Variants in TSPAN18 observed in about 807,000 individuals in gnomAD.
TSPAN18 encodes the protein tetraspanin 18, also known as tetraspanin-18.
TSPAN18 carries 14 observed loss-of-function variants against 27.3 expected under a neutral mutation model. That is an observed-to-expected ratio of 0.51 (90% confidence interval 0.34 to 0.80). The LOEUF (loss-of-function observed/expected upper bound fraction) is 0.80. Among genes scored for constraint, TSPAN18 ranks in the 30% least tolerant of loss-of-function variants. The pLI is 0.01. For missense variants in TSPAN18, 268 were observed against 323.9 expected (o/e 0.83, Z 1.32); for synonymous variants, 143 against 136.5 (o/e 1.05, Z -0.33).
chr11:44,736,711 G>A (rs536631285), intron 1 of TSPAN18: 1 of 152,382 alleles, frequency 6.6e-6, no homozygotes, highest in Admixed American at 6.5e-5. Flanking sequence ...GGAAGCAGGG[G>A]AGGCAACCTG....
chr11:44,877,819 CTT>C lies in TSPAN18; in HGVS notation c.-11+17352_-11+17353del, dbSNP rs1858378527. Among the ~76,000 whole-genome samples, 6 of 151,870 alleles carry C rather than the reference CTT, an allele frequency of 4.0e-5. No homozygotes were observed. The South Asian group carries it at 1.2e-3, about 32-fold the overall frequency. On this transcript the variant is annotated intron_variant, in intron 3 of 9. Coordinates refer to ENST00000520358, the MANE Select transcript of TSPAN18 (RefSeq NM_130783.5). ...AAGCTAGTCGTGGGAAAATAGATGT[CTT>C]TGTTTGCATTCTTAAGAGGAGACCA...
chr11:44,866,677 C>T (rs1282335242), intron 3 of TSPAN18, among the ~76,000 whole-genome samples: 1 of 152,200 alleles, frequency 6.6e-6, no homozygotes, highest in African/African-American at 2.4e-5. Context: ...TTGGATCCTA[C>T]CAATCTGGCT....
chr11:44,812,202 A>G (rs755034103), intron 2 of TSPAN18, among the ~76,000 whole-genome samples: 1 of 152,182 alleles, frequency 6.6e-6, no homozygotes, highest in African/African-American at 2.4e-5. Context: ...CTGGGTTCCA[A>G]ACCCAGCCTG....
At chr11:44,826,161 G>A (rs991617688) in intron 2 of TSPAN18, among the ~76,000 whole-genome samples, 5 of 152,340 alleles carry the variant, frequency 3.3e-5, no homozygotes, top group East Asian at 1.9e-4. Context: ...GGTGGCTTAC[G>A]CCTGTAATCC....
intron 3 of TSPAN18, among the ~76,000 whole-genome samples, chr11:44,893,802 C>T (rs993419246): frequency 6.6e-6 from 1 of 152,170 alleles, no homozygotes. Context: ...CATTGCCTTG[C>T]GTTAATATCA....
At chr11:44,812,517 C>T (rs547264043) in intron 2 of TSPAN18, among the ~76,000 whole-genome samples, 3 of 152,162 alleles carry the variant, frequency 2.0e-5, no homozygotes, top group Non-Finnish European at 4.4e-5. Context: ...AACAGACTCA[C>T]AGAGGGGGCA....
intron 3 of TSPAN18, among the ~76,000 whole-genome samples, chr11:44,899,998 A>G (rs1859198581): frequency 2.6e-5 from 4 of 152,104 alleles, no homozygotes; most frequent in Non-Finnish European, 4.4e-5. Flanking sequence ...CATAGTCTCA[A>G]TTTTCTTCTC....
intron 1 of TSPAN18, among the ~76,000 whole-genome samples, chr11:44,731,703 G>C (rs759321421): frequency 2.8e-4 from 42 of 148,248 alleles, no homozygotes; most frequent in Admixed American, 1.1e-3. Flanking sequence ...TTGCTTTTTT[G>C]GTTCTTTTCT....
intron 3 of TSPAN18, among the ~76,000 whole-genome samples, chr11:44,862,015 C>A (rs1207214847): frequency 6.6e-6 from 1 of 152,104 alleles, no homozygotes; most frequent in African/African-American, 2.4e-5. Flanking sequence ...TTCCTTTTTC[C>A]CCCCACCTCC....
chr11:44,806,426 G>T (rs1856595488), intron 2 of TSPAN18, among the ~76,000 whole-genome samples: 1 of 152,308 alleles, frequency 6.6e-6, no homozygotes, highest in Admixed American at 6.5e-5. Context: ...CGTAGTGCTA[G>T]AGAAGCACAC....
intron 1 of TSPAN18, among the ~76,000 whole-genome samples, chr11:44,760,474 G>A (rs1855427890): frequency 6.6e-6 from 1 of 152,198 alleles, no homozygotes; most frequent in Non-Finnish European, 1.5e-5. Context: ...GGGATGCTCT[G>A]TTTGTGAAAA....
intron 4 of TSPAN18, among the ~76,000 whole-genome samples, chr11:44,908,775 G>GAA (rs1347026262): frequency 2.1e-3 from 202 of 94,524 alleles, no homozygotes; most frequent in African/African-American, 3.1e-3. Context: ...AAAGGAGAAA[G>GAA]AAAGAAAGAA....
intron 2 of TSPAN18, among the ~76,000 whole-genome samples, chr11:44,811,063 G>C (rs1032753905): frequency 2.6e-5 from 4 of 151,330 alleles, no homozygotes; most frequent in African/African-American, 9.7e-5. Context: ...ACAATAGCAG[G>C]CTTCCTTTTC....
At chr11:44,847,418 G>T (rs765920911) in intron 2 of TSPAN18, among the ~76,000 whole-genome samples, 1 of 152,290 alleles carries the variant, frequency 6.6e-6, no homozygotes, top group African/African-American at 2.4e-5. Context: ...CTTAAAGTGT[G>T]CAATTCACTT....
At chr11:44,883,334 C>T (rs1287516137) in intron 3 of TSPAN18, among the ~76,000 whole-genome samples, 1 of 152,198 alleles carries the variant, frequency 6.6e-6, no homozygotes, top group East Asian at 1.9e-4. Context: ...CTAGTGGCAC[C>T]TAGATGTTTC....
chr11:44,770,175 C>T (rs1028077641), intron 2 of TSPAN18, among the ~76,000 whole-genome samples: 9 of 152,314 alleles, frequency 5.9e-5, no homozygotes, highest in African/African-American at 2.2e-4. Context: ...ATGGAGCTTG[C>T]CTTCTGGTTG....
chr11:44,913,589 A>G (rs1291171597), intron 5 of TSPAN18, among the ~76,000 whole-genome samples: 1 of 152,276 alleles, frequency 6.6e-6, no homozygotes, highest in African/African-American at 2.4e-5. Context: ...AGATGAGTAT[A>G]TTCAAAAAAG....
intron 2 of TSPAN18, among the ~76,000 whole-genome samples, chr11:44,827,112 C>G (rs1053095713): frequency 6.6e-6 from 1 of 152,232 alleles, no homozygotes; most frequent in Non-Finnish European, 1.5e-5. Context: ...GCCAACTCTG[C>G]CACTGCGCTC....
rs145597618 is a variant in TSPAN18 at position 44,757,805 on chromosome 11, A to G, written c.-239-6621A>G. On this transcript the variant is annotated intron_variant, in intron 1 of 9. Transcript: ENST00000520358. ...AAATGTCTTTTAATCTTTTCTGCCCATTTTTTAATTGGGTTTTTTTGTTGT... is the reference window on the plus strand; with the variant it reads ...AAATGTCTTTTAATCTTTTCTGCCCGTTTTTTAATTGGGTTTTTTTGTTGT... 5.1e-3 allele frequency among the ~76,000 whole-genome samples: 780 copies of G among 152,196 alleles called. 1 individual carries two copies. Among genetic ancestry groups the G allele is most frequent in the Non-Finnish European group, 8.8e-3 (601 of 68,010 alleles).
Sources: gnomAD v4.1 joint callset for allele counts (sites outside exome capture counted in the v4.1 genomes callset) on GRCh38, gnomAD v4.1.1 for gene constraint, MANE v1.5 for transcripts, NCBI Gene and HGNC (gene_info 2026-07-23, HGNC 2026-07-21) for gene names.